WDFY4: variants seen among roughly 807,000 people sequenced by gnomAD.
WDFY4 encodes the protein WDFY family member 4.
A neutral mutation model predicts 351.9 loss-of-function variants in WDFY4; 169 were observed. That is an observed-to-expected ratio of 0.48 (90% CI 0.42 to 0.55). The LOEUF is 0.55. WDFY4 is among the 20% of genes least tolerant of loss of function. The pLI is 0.00. For synonymous variants in WDFY4, 1,622 were observed against 1,574.6 expected (o/e 1.03, Z -0.71); for missense variants, 3,803 against 3,935.6 (o/e 0.97, Z 0.90).
chr10:48,713,356 G>T (rs532888160), intron 2 of WDFY4, among the ~76,000 whole-genome samples: 5 of 152,190 alleles, frequency 3.3e-5, no homozygotes, highest in Admixed American at 6.5e-5. Context: ...AGAACTTCCC[G>T]TTAGCCTGTT....
chr10:48,694,411 C>T (rs2063276702), intron 1 of WDFY4, among the ~76,000 whole-genome samples: 1 of 152,102 alleles, frequency 6.6e-6, no homozygotes, highest in South Asian at 2.1e-4. Context: ...TTTCTACTTC[C>T]CTCCTACTCC....
chr10:48,939,463 A>G (rs575751800), intron 47 of WDFY4, among the ~76,000 whole-genome samples: 129 of 152,288 alleles, frequency 8.5e-4, no homozygotes, highest in African/African-American at 3.0e-3. Flanking sequence ...TAGAATTTAG[A>G]TCCAGGTGTC....
intron 43 of WDFY4, among the ~76,000 whole-genome samples, chr10:48,884,601 A>G (rs191491889): frequency 6.6e-6 from 1 of 152,034 alleles, no homozygotes; most frequent in African/African-American, 2.4e-5. Flanking sequence ...ATACACATAC[A>G]CATGTGTGCA....
At chr10:48,752,388 T>C (rs1451804768) in intron 12 of WDFY4, among the ~76,000 whole-genome samples, 2 of 152,250 alleles carry the variant, frequency 1.3e-5, no homozygotes, top group Non-Finnish European at 2.9e-5. Context: ...TCTTAGCTTT[T>C]TTCACTGAGG....
At chr10:48,892,391 T>A (rs1836856415) in intron 44 of WDFY4, among the ~76,000 whole-genome samples, 1 of 152,250 alleles carries the variant, frequency 6.6e-6, no homozygotes, top group African/African-American at 2.4e-5. Flanking sequence ...ACTTCTCATG[T>A]CTGAAAATGT....
At chr10:48,776,685 T>C (rs749394062) in intron 15 of WDFY4, 65 bp from the exon 16 acceptor site, 60,987 of 1,390,958 alleles carry the variant, frequency 0.044, 1,612 homozygotes, top group Middle Eastern at 0.055. Flanking sequence ...TTTGGGGTTA[T>C]TGTCAGAAGC....
At chr10:48,720,990 G>A (rs532916550) in intron 3 of WDFY4, among the ~76,000 whole-genome samples, 18 of 152,312 alleles carry the variant, frequency 1.2e-4, no homozygotes, top group African/African-American at 3.6e-4. Context: ...TCTGATAGCC[G>A]ATTAGCTTGT....
At chr10:48,885,448 A>G (rs1054663907) in intron 43 of WDFY4, among the ~76,000 whole-genome samples, 1 of 152,198 alleles carries the variant, frequency 6.6e-6, no homozygotes, top group Non-Finnish European at 1.5e-5. Flanking sequence ...CATGTTTCAC[A>G]TTTCACTGGT....
At chr10:48,977,676 C>A (rs568032814) in intron 59 of WDFY4, among the ~76,000 whole-genome samples, 10 of 152,216 alleles carry the variant, frequency 6.6e-5, no homozygotes, top group South Asian at 4.1e-4. Flanking sequence ...CTGGGCCCCC[C>A]CAAAGCGTAA....
rs535315226 is a variant in WDFY4 at position 48,891,558 on chromosome 10, G to A, written c.7316+831G>A. On this transcript the variant is annotated intron_variant, in intron 44 of 61. Transcript: ENST00000325239. ...GAGATAGGCCTTGCCTTTTCCAGTT[G>A]ACCCAGGTTCAGATAATGACAAGAT... Among the ~76,000 whole-genome samples the A allele has an allele frequency of 2.6e-5, 4 of 152,342 alleles. No individual in the cohort carries two copies. The South Asian group carries it at 8.3e-4, about 32-fold the overall frequency.
intron 24 of WDFY4, among the ~76,000 whole-genome samples, chr10:48,802,135 G>T (rs1371726002): frequency 6.6e-6 from 1 of 151,796 alleles, no homozygotes; most frequent in Non-Finnish European, 1.5e-5. Context: ...AGCAATTTTG[G>T]AGGTGGAGGC....
intron 39 of WDFY4, among the ~76,000 whole-genome samples, chr10:48,847,442 A>G (rs1350680117): frequency 6.6e-6 from 1 of 152,190 alleles, no homozygotes; most frequent in Admixed American, 6.5e-5. Flanking sequence ...TCAGGGAAAG[A>G]TGTTTGCATG....
chr10:48,867,131 C>T (rs561836492), intron 39 of WDFY4, 134 bp from the exon 40 acceptor site: 151 of 288,988 alleles, frequency 5.2e-4, no homozygotes, highest in East Asian at 1.0e-3. Context: ...GATTGTGCCA[C>T]TGCACTCCAT....
At position 48,969,157 on chromosome 10, in the gene WDFY4, A is replaced by T. The variant is rs1196753193; in HGVS notation, c.8678A>T (p.Asn2893Ile). The change falls in exon 56 of 62, where the codon AAC becomes ATC. Residue 2893 changes from asparagine (N) to isoleucine (I), a missense_variant. Coordinates refer to ENST00000325239, the MANE Select transcript of WDFY4 (RefSeq NM_001394531.1). Reference protein sequence around the residue: ...TEKTILAVERNKVLLPPLWNR... With the variant: ...TEKTILAVERIKVLLPPLWNR... Reference sequence around the variant, plus strand: ...AAGACCATTCTGGCTGTAGAGAGGAACAAAGTGCTGCTGCCTCCTCTCTGG... The same window carrying T: ...AAGACCATTCTGGCTGTAGAGAGGATCAAAGTGCTGCTGCCTCCTCTCTGG... 2 of 1,551,740 alleles carry T rather than the reference A, an allele frequency of 1.3e-6. No individual in the cohort carries two copies. The highest frequency in any genetic ancestry group is 1.7e-6 in the Non-Finnish European group (2 of 1,146,970).
chr10:48,728,489 T>A (rs181163431), intron 7 of WDFY4, among the ~76,000 whole-genome samples: 12 of 152,328 alleles, frequency 7.9e-5, no homozygotes, highest in Admixed American at 7.2e-4. Context: ...TGGGCGAGAA[T>A]GAGACACCCT....
At chr10:48,863,165 T>C (rs2069404328) in intron 39 of WDFY4, among the ~76,000 whole-genome samples, 1 of 152,252 alleles carries the variant, frequency 6.6e-6, no homozygotes, top group Admixed American at 6.5e-5. Context: ...TAAACATTCA[T>C]GTATAAGTTT....
At chr10:48,963,749 C>T (rs1409715981) in intron 53 of WDFY4, 93 bp from the exon 54 acceptor site, 3 of 1,305,780 alleles carry the variant, frequency 2.3e-6, no homozygotes, top group Non-Finnish European at 3.2e-6. Flanking sequence ...GCAGGGCCAG[C>T]ACTCTGAAGC....
At chr10:48,971,175 T>C (rs1022659697) in intron 57 of WDFY4, among the ~76,000 whole-genome samples, 2 of 152,156 alleles carry the variant, frequency 1.3e-5, no homozygotes, top group African/African-American at 2.4e-5. Context: ...ATCTATTTTT[T>C]AGTTAGCCAC....
chr10:48,762,451 G>C (rs1375653129), intron 13 of WDFY4, among the ~76,000 whole-genome samples: 1 of 152,196 alleles, frequency 6.6e-6, no homozygotes, highest in Admixed American at 6.5e-5. Context: ...TTTGGGAAAG[G>C]GGTAGGCTGG....
Sources: gnomAD v4.1 joint callset for allele counts (sites outside exome capture counted in the v4.1 genomes callset) on GRCh38, gnomAD v4.1.1 for gene constraint, MANE v1.5 for transcripts, NCBI Gene and HGNC (gene_info 2026-07-23, HGNC 2026-07-21) for gene names.